MAP2K5: variants seen among roughly 807,000 people sequenced by gnomAD.
MAP2K5 encodes the protein mitogen-activated protein kinase kinase 5, also known as dual specificity mitogen-activated protein kinase kinase 5.
In MAP2K5, 49 loss-of-function variants were observed where a neutral mutation model predicts 83.1. The ratio of observed to expected loss-of-function variants is 0.59; its 90% CI spans 0.47 to 0.75. The LOEUF is 0.75. MAP2K5 is among the 30% of genes least tolerant of loss of function. The pLI, the probability that MAP2K5 is intolerant of heterozygous loss-of-function variation, is 0.00. For missense variants in MAP2K5, 457 were observed against 557.5 expected, an observed-to-expected ratio of 0.82 and a Z score of 1.82; for synonymous variants, 202 against 191.8, an observed-to-expected ratio of 1.05 and a Z score of -0.44.
chr15:67,776,059 T>A (rs1156556017), intron 21 of MAP2K5, among the ~76,000 whole-genome samples: 1 of 152,204 alleles, frequency 6.6e-6, no homozygotes, highest in African/African-American at 2.4e-5. Flanking sequence ...AGGTCCCTCA[T>A]CCTTGGGAAA....
chr15:67,634,385 A>AAAAAAAAAAAAT (rs2086549450), intron 9 of MAP2K5, among the ~76,000 whole-genome samples: 1 of 90,944 alleles, frequency 1.1e-5, no homozygotes, highest in Non-Finnish European at 2.5e-5. Context: ...AAAAAAAAAA[A>AAAAAAAAAAAAT]AAAAAAAAAA....
intron 13 of MAP2K5, among the ~76,000 whole-genome samples, chr15:67,678,352 TA>T (rs1168599515): frequency 6.6e-6 from 1 of 152,248 alleles, no homozygotes; most frequent in Admixed American, 6.5e-5. Context: ...AATTGCTTTA[TA>T]GGGGGAAAAA....
Position 67,783,438 on chromosome 15 carries a change from C to G in MAP2K5, c.1242+10686C>G, listed in dbSNP as rs2090363433. Among the ~76,000 whole-genome samples, 1 of 152,218 alleles carries G rather than the reference C, an allele frequency of 6.6e-6. No homozygotes were observed. The highest frequency in any genetic ancestry group is 2.4e-5 in the African/African-American group (1 of 41,458). On this transcript the variant is annotated intron_variant, in intron 21 of 21. Coordinates refer to ENST00000178640, the MANE Select transcript of MAP2K5 (RefSeq NM_145160.3). This position sits in a 1 kb window ranked among gnomAD's most constrained non-coding sequence, Gnocchi z 5.1. Reference sequence around the variant, plus strand: ...TGTCTTTGCTTGTGCTGTTTTCTCACCGCCAGATGGTGAACTTCTCCACCT... The same window carrying G: ...TGTCTTTGCTTGTGCTGTTTTCTCAGCGCCAGATGGTGAACTTCTCCACCT...
At chr15:67,549,015 G>A (rs1253284882) in intron 1 of MAP2K5, 2 of 1,444,228 alleles carry the variant, frequency 1.4e-6, no homozygotes, top group Non-Finnish European at 1.8e-6. Context: ...CAGCCACTCT[G>A]CTAAGTGCCC....
rs1386397701 is a variant in MAP2K5 at position 67,775,760 on chromosome 15, A to C, written c.1242+3008A>C. Among the ~76,000 whole-genome samples, 1 of 152,082 alleles carries C rather than the reference A, an allele frequency of 6.6e-6. No homozygotes were observed. Among genetic ancestry groups the C allele is most frequent in the Non-Finnish European group, 1.5e-5 (1 of 68,004 alleles). ...GAGGATGAAGTGAATTTTAATAGAG[A>C]GCTTTGAAGGGGCCATTCCAGGCAA... On this transcript the variant is annotated intron_variant, in intron 21 of 21. Coordinates refer to ENST00000178640, the MANE Select transcript of MAP2K5 (RefSeq NM_145160.3). This position sits in a 1 kb window ranked among gnomAD's most constrained non-coding sequence, Gnocchi z 5.3.
Position 67,807,058 on chromosome 15 carries a change from A to C in MAP2K5, c.*308A>C. ...TGTTTTCCTAATGTTTTTCTCTATA[A>C]AGGGTCAGGCCCGTCAGCATCACTG... On this transcript the variant is annotated 3_prime_UTR_variant, in exon 22 of 22. Coordinates refer to ENST00000178640, the MANE Select transcript of MAP2K5 (RefSeq NM_145160.3). This position sits in a 1 kb window ranked among gnomAD's most constrained non-coding sequence, Gnocchi z 5.1. 3 of 992,354 alleles carry C rather than the reference A, an allele frequency of 3.0e-6. No individual in the cohort carries two copies. Among genetic ancestry groups the C allele is most frequent in the Non-Finnish European group, 4.1e-6 (3 of 725,466 alleles). The allele number at this position is 992,354 out of a possible 1,614,324, so 61.5% of individuals were successfully genotyped here.
chr15:67,600,907 G>T (rs2085645167), intron 8 of MAP2K5, among the ~76,000 whole-genome samples, 158 bp downstream of exon 8: 1 of 152,036 alleles, frequency 6.6e-6, no homozygotes, highest in African/African-American at 2.4e-5. Flanking sequence ...CTCAAGAATT[G>T]CCTGGAAAGT....
At chr15:67,598,215 A>G (rs1596623549) in intron 7 of MAP2K5, among the ~76,000 whole-genome samples, 1 of 152,208 alleles carries the variant, frequency 6.6e-6, no homozygotes, top group African/African-American at 2.4e-5. Flanking sequence ...CAAAAAAAAA[A>G]AACTAAAACT....
chr15:67,807,056 TAAA>T lies in MAP2K5; in HGVS notation c.*307_*309del. 1 of 1,051,360 alleles carries T rather than the reference TAAA, an allele frequency of 9.5e-7. No homozygotes were observed. Among genetic ancestry groups the T allele is most frequent in the Non-Finnish European group, 1.3e-6 (1 of 775,148 alleles). The allele number at this position is 1,051,360 out of a possible 1,614,324, so 65.1% of individuals were successfully genotyped here. A position where few individuals can be genotyped will look rare whatever the true frequency, so the allele number is the denominator to read the frequency against. ...TCTGTTTTCCTAATGTTTTTCTCTATAAAGGGTCAGGCCCGTCAGCATCACTGA... is the reference window on the plus strand; with the variant it reads ...TCTGTTTTCCTAATGTTTTTCTCTATGGGTCAGGCCCGTCAGCATCACTGA... On this transcript the variant is annotated 3_prime_UTR_variant, in exon 22 of 22. Coordinates refer to ENST00000178640, the MANE Select transcript of MAP2K5 (RefSeq NM_145160.3). This position sits in a 1 kb window ranked among gnomAD's most constrained non-coding sequence, Gnocchi z 5.1.
intron 11 of MAP2K5, among the ~76,000 whole-genome samples, chr15:67,655,148 A>T (rs1056115594): frequency 2.0e-5 from 3 of 152,086 alleles, no homozygotes; most frequent in African/African-American, 7.2e-5. Context: ...TTATTGTCAT[A>T]TAAGTTACAT....
chr15:67,713,151 A>T (rs890082675), intron 16 of MAP2K5, among the ~76,000 whole-genome samples: 1 of 152,158 alleles, frequency 6.6e-6, no homozygotes, highest in Admixed American at 6.5e-5. Context: ...TTTTTCCCCA[A>T]ATGACATATG....
At chr15:67,645,469 CTG>C (rs779635919) in intron 9 of MAP2K5, among the ~76,000 whole-genome samples, 6 of 152,220 alleles carry the variant, frequency 3.9e-5, no homozygotes, top group African/African-American at 7.2e-5. Context: ...CAGCATGAGA[CTG>C]TGTCTCTAAA....
chr15:67,773,740 G>A (rs2090184600), intron 21 of MAP2K5, among the ~76,000 whole-genome samples: 1 of 152,146 alleles, frequency 6.6e-6, no homozygotes. Flanking sequence ...TCAAGTTAAA[G>A]ATCACCCCTA....
chr15:67,703,463 C>T lies in MAP2K5; in HGVS notation c.1044+55C>T, dbSNP rs191916034. ...GCATATCTGTACTAATATATTCAAT[C>T]AGGAAAAGTGAAGATTTTGAAAGAA... On this transcript the variant is annotated intron_variant, in intron 16 of 21. Coordinates refer to ENST00000178640, the MANE Select transcript of MAP2K5 (RefSeq NM_145160.3). 1.5e-5 allele frequency: 20 copies of T among 1,372,616 alleles called. No homozygotes were observed. The East Asian group carries it at 4.4e-4, about 30-fold the overall frequency. The allele number at this position is 1,372,616 out of a possible 1,614,324, so 85.0% of individuals were successfully genotyped here.
intron 5 of MAP2K5, among the ~76,000 whole-genome samples, chr15:67,586,444 G>A (rs2085292085): frequency 6.6e-6 from 1 of 152,106 alleles, no homozygotes; most frequent in African/African-American, 2.4e-5. Flanking sequence ...ATTTTTTAGT[G>A]AATAAGAAAC....
rs1267260554 is a variant in MAP2K5 at position 67,682,000 on chromosome 15, A to G, written c.848-10479A>G. Reference sequence around the variant, plus strand: ...ATCTTTTCTGTGCTTTGCTTACAGAAGAAAGGCTGTGATGTTTTTAAGTGA... The same window carrying G: ...ATCTTTTCTGTGCTTTGCTTACAGAGGAAAGGCTGTGATGTTTTTAAGTGA... On this transcript the variant is annotated intron_variant, in intron 13 of 21. Coordinates refer to ENST00000178640, the MANE Select transcript of MAP2K5 (RefSeq NM_145160.3). Among the ~76,000 whole-genome samples, 3 of 152,220 alleles carry G rather than the reference A, an allele frequency of 2.0e-5. 1 individual carries two copies. The South Asian group carries it at 6.2e-4, about 32-fold the overall frequency.
At chr15:67,591,709 A>G (rs1596612201) in intron 6 of MAP2K5, among the ~76,000 whole-genome samples, 1 of 151,568 alleles carries the variant, frequency 6.6e-6, no homozygotes, top group African/African-American at 2.4e-5. Flanking sequence ...TTGCTGGGGG[A>G]AGGTGCTATT....
chr15:67,686,412 G>A (rs2087953505), intron 13 of MAP2K5, among the ~76,000 whole-genome samples: 1 of 151,966 alleles, frequency 6.6e-6, no homozygotes, highest in Admixed American at 6.6e-5. Context: ...TTCGAGACCA[G>A]CCTGGGCAAC....
intron 17 of MAP2K5, among the ~76,000 whole-genome samples, chr15:67,735,091 T>C (rs1015712149): frequency 6.6e-6 from 1 of 152,258 alleles, no homozygotes; most frequent in Non-Finnish European, 1.5e-5. Flanking sequence ...TGTTCACTTA[T>C]ACACATTTGC....
Sources: gnomAD v4.1 joint callset for allele counts (sites outside exome capture counted in the v4.1 genomes callset) on GRCh38, gnomAD v4.1.1 for gene constraint, Gnocchi (gnomAD v3.1) non-coding constraint, MANE v1.5 for transcripts, NCBI Gene and HGNC (gene_info 2026-07-23, HGNC 2026-07-21) for gene names.